The following KBTBD11 variants were observed in gnomAD, a reference collection of about 807,000 sequenced individuals.
KBTBD11 encodes the protein kelch repeat and BTB domain containing 11.
For synonymous variants in KBTBD11, 747 were observed against 499.0 expected, an observed-to-expected ratio of 1.50 and a Z score of -6.63; for missense variants, 1,390 against 1,001.8, an observed-to-expected ratio of 1.39 and a Z score of -5.23.
Position 2,001,461 on chromosome 8 carries a change from A to G in KBTBD11, c.269A>G (p.Glu90Gly). 2.9e-6 allele frequency: 4 copies of G among 1,362,874 alleles called. No individual in the cohort carries two copies. The highest frequency in any genetic ancestry group is 2.8e-6 in the Non-Finnish European group (3 of 1,066,530). 84.4% of individuals were successfully genotyped at this position (1,362,874 alleles called of 1,614,324 possible). A position where few individuals can be genotyped will look rare whatever the true frequency, so the allele number is the denominator to read the frequency against. ...AGCGCGGGCGCCGCGTCCCCGGAGG[A>G]GCTCGCGTCCCCTGAGGAGCGCGCG... ...AGSAGAASPE[E>G]LASPEERACP... Residue 90 changes from glutamate to glycine, a missense_variant, in exon 2 of 2, where the codon GAG becomes GGG. Coordinates refer to ENST00000320248, the MANE Select transcript of KBTBD11 (RefSeq NM_014867.3).
intron 1 of KBTBD11, among the ~76,000 whole-genome samples, chr8:1,994,907 A>T (rs953034568): frequency 1.3e-5 from 2 of 152,066 alleles, no homozygotes; most frequent in African/African-American, 4.8e-5. Flanking sequence ...AAAAATACAA[A>T]TACTAGCCAG....
chr8:1,992,771 G>A (rs1210645546), intron 1 of KBTBD11, among the ~76,000 whole-genome samples: 1 of 151,844 alleles, frequency 6.6e-6, no homozygotes, highest in African/African-American at 2.4e-5. Context: ...TTTTATTTAG[G>A]AGATTTTAAA....
At position 2,002,901 on chromosome 8, in the gene KBTBD11, C is replaced by T. The variant is rs1186681886; in HGVS notation, c.1709C>T (p.Thr570Ile). ...GAIYCVSRAGTWRFQPAREGE... is the reference protein window; with the variant it reads ...GAIYCVSRAGIWRFQPAREGE... ...ATCTACTGCGTGAGCCGCGCGGGCACCTGGCGCTTCCAGCCTGCCCGGGAA... is the reference window on the plus strand; with the variant it reads ...ATCTACTGCGTGAGCCGCGCGGGCATCTGGCGCTTCCAGCCTGCCCGGGAA... Residue 570 changes from threonine (T) to isoleucine (I), a missense_variant, in exon 2 of 2, where the codon ACC becomes ATC. By Grantham distance (89) the Thr-to-Ile change is moderately conservative (BLOSUM62 -1). Coordinates refer to ENST00000320248, the MANE Select transcript of KBTBD11 (RefSeq NM_014867.3). This position sits in a 1 kb window ranked among gnomAD's most constrained non-coding sequence, Gnocchi z 4.1. The T allele has an allele frequency of 7.6e-7, 1 of 1,321,608 alleles. No homozygotes were observed. The highest frequency in any genetic ancestry group is 1.5e-5 in the African/African-American group (1 of 64,804). The allele number at this position is 1,321,608 out of a possible 1,614,324, so 81.9% of individuals were successfully genotyped here. A position where few individuals can be genotyped will look rare whatever the true frequency, so the allele number is the denominator to read the frequency against.
At chr8:1,987,997 C>T (rs1207141816) in intron 1 of KBTBD11, among the ~76,000 whole-genome samples, 1 of 152,000 alleles carries the variant, frequency 6.6e-6, no homozygotes, top group African/African-American at 2.4e-5. Flanking sequence ...GTTTTCTGTC[C>T]TTGTGATAGT....
intron 1 of KBTBD11, among the ~76,000 whole-genome samples, chr8:1,994,681 C>T (rs1053446138): frequency 7.9e-5 from 12 of 152,214 alleles, no homozygotes; most frequent in African/African-American, 2.2e-4. Context: ...AATAGACGCC[C>T]GCTGCTCTGT....
chr8:1,991,159 G>C (rs1045755319), intron 1 of KBTBD11, among the ~76,000 whole-genome samples: 5 of 152,226 alleles, frequency 3.3e-5, no homozygotes, highest in African/African-American at 9.6e-5. Context: ...CCCTCTTCTT[G>C]TCCTGCTGTG....
chr8:1,991,762 G>C (rs1209818991), intron 1 of KBTBD11, among the ~76,000 whole-genome samples: 4 of 151,944 alleles, frequency 2.6e-5, no homozygotes, highest in Non-Finnish European at 5.9e-5. Context: ...GTGCCCACCG[G>C]TGAGTGGGCC....
intron 1 of KBTBD11, among the ~76,000 whole-genome samples, chr8:1,996,830 T>C (rs536899757): frequency 1.6e-4 from 24 of 152,224 alleles, no homozygotes; most frequent in Middle Eastern, 3.4e-3. Flanking sequence ...GTATAGAAAC[T>C]TAGAAGTTTA....
chr8:1,979,842 G>A (rs910296390), intron 1 of KBTBD11, among the ~76,000 whole-genome samples: 10 of 152,224 alleles, frequency 6.6e-5, no homozygotes, highest in African/African-American at 2.2e-4. Flanking sequence ...GCCTCATCCC[G>A]CGTGGCTTCC....
intron 1 of KBTBD11, among the ~76,000 whole-genome samples, chr8:1,985,035 G>T (rs188838512): frequency 6.6e-6 from 1 of 152,128 alleles, no homozygotes; most frequent in Non-Finnish European, 1.5e-5. Context: ...TGCTCTAAGG[G>T]GCATCCACAG....
Position 2,002,748 on chromosome 8 carries a change from C to G in KBTBD11, c.1556C>G (p.Pro519Arg), listed in dbSNP as rs748700892. 1.6e-5 allele frequency: 24 copies of G among 1,493,474 alleles called. No individual in the cohort carries two copies. In the African/African-American group the frequency reaches 2.6e-4, roughly 16 times the overall value. The allele number at this position is 1,493,474 out of a possible 1,614,324, so 92.5% of individuals were successfully genotyped here. Reference protein sequence around the residue: ...GSRGEAQAAGPSGVSVSRYHC... With the variant: ...GSRGEAQAAGRSGVSVSRYHC... ...CGCGGCGAGGCGCAGGCGGCGGGGC[C>G]GAGCGGGGTCAGCGTGTCCCGATAC... Residue 519 changes from proline (P) to arginine (R), a missense_variant, in exon 2 of 2, where the codon CCG (proline) becomes CGG (arginine). Transcript: ENST00000320248. The surrounding 1 kb of genome is among the most constrained non-coding windows in gnomAD (Gnocchi z 4.1).
intron 1 of KBTBD11, chr8:1,974,939 G>C (rs2129306776): frequency 6.4e-6 from 1 of 156,846 alleles, no homozygotes; most frequent in East Asian, 1.9e-4. Context: ...CAGGCCCTGA[G>C]TGAGAAGTTC....
At chr8:1,975,236 C>T (rs1187772857) in intron 1 of KBTBD11, 1 of 152,226 alleles carries the variant, frequency 6.6e-6, no homozygotes, top group African/African-American at 2.4e-5. Context: ...TGAGGTAAAG[C>T]CTTTGAACTT....
intron 1 of KBTBD11, among the ~76,000 whole-genome samples, chr8:1,977,904 A>T (rs995438120): frequency 1.1e-4 from 17 of 152,210 alleles, no homozygotes; most frequent in African/African-American, 4.1e-4. Flanking sequence ...TGCAAGATGC[A>T]GTTCACAGTT....
intron 1 of KBTBD11, among the ~76,000 whole-genome samples, chr8:1,981,230 C>T (rs1402368937): frequency 6.6e-6 from 1 of 152,152 alleles, no homozygotes; most frequent in East Asian, 1.9e-4. Flanking sequence ...AAGACTTTGC[C>T]AAGCAAACAT....
At position 2,006,208 on chromosome 8, in the gene KBTBD11, C is replaced by A. The variant is rs144644037; in HGVS notation, c.*3144C>A. ...AATTTCTGGTGTCACTTCAGTAATT[C>A]TGGTAGCAGCCGTTGAATCTGTCAG... On this transcript the variant is annotated 3_prime_UTR_variant, in exon 2 of 2. Coordinates refer to ENST00000320248, the MANE Select transcript of KBTBD11 (RefSeq NM_014867.3). 6.0e-6 allele frequency: 1 copy of A among 167,198 alleles called. No homozygotes were observed. The highest frequency in any genetic ancestry group is 1.9e-4 in the East Asian group (1 of 5,188). The allele number at this position is 167,198 out of a possible 1,614,324, so 10.4% of individuals were successfully genotyped here.
intron 1 of KBTBD11, among the ~76,000 whole-genome samples, chr8:1,997,614 G>GC (rs926581463): frequency 6.6e-6 from 1 of 152,244 alleles, no homozygotes; most frequent in African/African-American, 2.4e-5. Flanking sequence ...GGGCTCCCGA[G>GC]CCCCTGATGC....
intron 1 of KBTBD11, among the ~76,000 whole-genome samples, chr8:1,980,690 G>A (rs1816511195): frequency 6.6e-6 from 1 of 152,204 alleles, no homozygotes; most frequent in Non-Finnish European, 1.5e-5. Context: ...CCCTGCCCTG[G>A]AGCCTCCGCC....
In KBTBD11 at chr8:1,973,946, C is replaced by A. The variant is rs1466205717; in HGVS notation, c.-909+11C>A. The A allele has an allele frequency of 3.1e-6, 3 of 982,786 alleles. No individual in the cohort carries two copies. Among genetic ancestry groups the A allele is most frequent in the African/African-American group, 3.5e-5 (2 of 56,822 alleles). 60.9% of individuals were successfully genotyped at this position (982,786 alleles called of 1,614,324 possible). On this transcript the variant is annotated intron_variant, in intron 1 of 1. Transcript: ENST00000320248. ...AGGAGCCGCGGCGAGGTAGGGCGGA[C>A]CCCGGGGAGGCAGCGGCGGGGCCTG...
Sources: gnomAD v4.1 joint callset for allele counts (sites outside exome capture counted in the v4.1 genomes callset) on GRCh38, gnomAD v4.1.1 for gene constraint, Gnocchi (gnomAD v3.1) non-coding constraint, MANE v1.5 for transcripts, NCBI Gene and HGNC (gene_info 2026-07-23, HGNC 2026-07-21) for gene names.